The following NRG1 variants were observed in gnomAD, a reference collection of about 807,000 sequenced individuals.
NRG1 encodes the protein neuregulin 1, also known as pro-neuregulin-1, membrane-bound isoform.
A neutral mutation model predicts 63.8 loss-of-function variants in NRG1; 18 were observed. The ratio of observed to expected loss-of-function variants is 0.28; its 90% CI spans 0.19 to 0.42. The LOEUF (loss-of-function observed/expected upper bound fraction) is 0.42, where lower values mean the gene tolerates loss of function less well. Among genes scored for constraint, NRG1 ranks in the 10% least tolerant of loss-of-function variants. NRG1 has a pLI of 1.00. For synonymous variants in NRG1, 302 were observed against 301.3 expected (o/e 1.00, Z -0.02); for missense variants, 762 against 814.7 (o/e 0.94, Z 0.79).
chr8:31,745,356 A>T (rs566325073), intron 1 of NRG1, among the ~76,000 whole-genome samples: 51 of 152,046 alleles, frequency 3.4e-4, no homozygotes, highest in African/African-American at 1.2e-3. Flanking sequence ...GTGGAATGGC[A>T]GGATATAGGA....
At chr8:32,474,531 C>T (rs756109103) in intron 1 of NRG1, among the ~76,000 whole-genome samples, 1 of 150,788 alleles carries the variant, frequency 6.6e-6, no homozygotes, top group Non-Finnish European at 1.5e-5. Context: ...TCTCACTCTG[C>T]CGCCAGGCTG....
chr8:32,097,881 T>G (rs1339845880), intron 1 of NRG1, among the ~76,000 whole-genome samples: 1 of 152,158 alleles, frequency 6.6e-6, no homozygotes, highest in Non-Finnish European at 1.5e-5. Context: ...TGCTTCCAAT[T>G]GAAGATGAAA....
At chr8:32,034,919 T>A (rs971664497) in intron 1 of NRG1, among the ~76,000 whole-genome samples, 5 of 151,870 alleles carry the variant, frequency 3.3e-5, no homozygotes, top group South Asian at 2.1e-4. Flanking sequence ...TGACTATTTT[T>A]AAAGGTTTTT....
At chr8:32,673,402 A>G (rs917065734) in intron 5 of NRG1, among the ~76,000 whole-genome samples, 4 of 152,206 alleles carry the variant, frequency 2.6e-5, no homozygotes, top group Middle Eastern at 3.2e-3. Flanking sequence ...CTGTTTATCT[A>G]TAGTGGAATC....
chr8:32,608,083 G>GTTTTTTTTTTTTTTTTTTTTTTTTTTT (rs372730003), intron 3 of NRG1, among the ~76,000 whole-genome samples: 1 of 99,330 alleles, frequency 1.0e-5, no homozygotes, highest in African/African-American at 4.4e-5. Flanking sequence ...ATGAACCCAG[G>GTTTTTTTTTTTTTTTTTTTTTTTTTTT]TTTTTTTTGT....
intron 1 of NRG1, among the ~76,000 whole-genome samples, chr8:32,505,953 A>G (rs960241607): frequency 3.9e-5 from 6 of 152,188 alleles, no homozygotes; most frequent in African/African-American, 1.4e-4. Context: ...CCCAGTGGGC[A>G]AAAACACAGA....
intron 1 of NRG1, among the ~76,000 whole-genome samples, chr8:31,934,119 A>G (rs1835089900): frequency 6.6e-6 from 1 of 152,174 alleles, no homozygotes; most frequent in Admixed American, 6.5e-5. Flanking sequence ...GTGTGTGCAT[A>G]TATAAATACA....
chr8:32,025,349 CTATGA>C (rs1817076587), intron 1 of NRG1, among the ~76,000 whole-genome samples: 1 of 151,954 alleles, frequency 6.6e-6, no homozygotes, highest in African/African-American at 2.4e-5. Context: ...ACATAAAATT[CTATGA>C]TATATTTCTT....
chr8:31,945,260 G>T (rs1388595441), intron 1 of NRG1, among the ~76,000 whole-genome samples: 1 of 152,082 alleles, frequency 6.6e-6, no homozygotes, highest in Non-Finnish European at 1.5e-5. Context: ...AACTTAGTAT[G>T]TTCTTTTTCA....
At chr8:32,701,549 C>T (rs987950030) in intron 5 of NRG1, among the ~76,000 whole-genome samples, 3 of 152,078 alleles carry the variant, frequency 2.0e-5, no homozygotes, top group Non-Finnish European at 4.4e-5. Flanking sequence ...TGTGAGTAAG[C>T]CTGCATTTTT....
At chr8:32,703,148 A>G (rs1480133284) in intron 5 of NRG1, among the ~76,000 whole-genome samples, 3 of 152,134 alleles carry the variant, frequency 2.0e-5, no homozygotes, top group Non-Finnish European at 4.4e-5. Context: ...GGGATGAGGA[A>G]ATAATATTTG....
intron 1 of NRG1, among the ~76,000 whole-genome samples, chr8:32,125,482 G>T (rs1833957740): frequency 6.6e-6 from 1 of 151,878 alleles, no homozygotes; most frequent in Non-Finnish European, 1.5e-5. Flanking sequence ...GATCATAAAA[G>T]TTATTTAATC....
At chr8:32,273,793 G>C (rs1851801509) in intron 1 of NRG1, among the ~76,000 whole-genome samples, 1 of 152,152 alleles carries the variant, frequency 6.6e-6, no homozygotes, top group Admixed American at 6.5e-5. Context: ...TGTATTTAAA[G>C]TTACTCACAG....
chr8:31,876,323 C>G (rs1434317698), intron 1 of NRG1, among the ~76,000 whole-genome samples: 2 of 152,120 alleles, frequency 1.3e-5, no homozygotes, highest in Admixed American at 1.3e-4. Flanking sequence ...ATAGCAATTA[C>G]CTAACTGGTT....
At chr8:31,842,165 T>C (rs1384035108) in intron 1 of NRG1, among the ~76,000 whole-genome samples, 7 of 152,218 alleles carry the variant, frequency 4.6e-5, no homozygotes, top group Non-Finnish European at 8.8e-5. Flanking sequence ...GATCCCTAGG[T>C]TCCCTAATTG....
intron 1 of NRG1, among the ~76,000 whole-genome samples, chr8:31,779,035 A>T (rs1014540639): frequency 1.3e-5 from 2 of 152,226 alleles, no homozygotes; most frequent in Admixed American, 6.5e-5. Flanking sequence ...TCCACTGCTG[A>T]AAAATGAGAG....
chr8:31,772,523 C>CT (rs35162170), intron 1 of NRG1, among the ~76,000 whole-genome samples: 18 of 151,626 alleles, frequency 1.2e-4, no homozygotes, highest in South Asian at 8.4e-4. Context: ...CTTCTAGCAA[C>CT]TTTTTTTTTA....
At position 32,430,551 on chromosome 8, in the gene NRG1, C is replaced by A. The variant is rs76475407; in HGVS notation, c.38-165277C>A. 3.3e-3 allele frequency among the ~76,000 whole-genome samples: 505 copies of A among 152,260 alleles called. 4 individuals carry two copies. Among genetic ancestry groups the A allele is most frequent in the African/African-American group, 0.012 (495 of 41,550 alleles). ...AATTCCATTCAGACTTAGGCCTGAG[C>A]TGCTCCCAGTCATCCAAGTCATTTT... On this transcript the variant is annotated intron_variant, in intron 1 of 10. Transcript: ENST00000519301.
intron 1 of NRG1, among the ~76,000 whole-genome samples, chr8:32,163,445 C>T (rs1459524846): frequency 6.6e-6 from 1 of 152,094 alleles, no homozygotes; most frequent in East Asian, 1.9e-4. Context: ...GGGTATAAAA[C>T]CTGCAAAAAA....
Sources: allele counts gnomAD v4.1 joint callset (sites outside exome capture counted in the v4.1 genomes callset), GRCh38; gene constraint gnomAD v4.1.1; transcripts MANE v1.5; gene names NCBI Gene and HGNC (gene_info 2026-07-23, HGNC 2026-07-21).